Variants in MTHFD2L observed in about 807,000 individuals in gnomAD.
MTHFD2L encodes the protein bifunctional methylenetetrahydrofolate dehydrogenase/cyclohydrolase 2, mitochondrial.
MTHFD2L carries 29 observed loss-of-function variants against 34.9 expected under a neutral mutation model. The ratio of observed to expected loss-of-function variants is 0.83; its 90% confidence interval spans 0.62 to 1.13. The LOEUF (loss-of-function observed/expected upper bound fraction) is 1.13. MTHFD2L is among the 50% of genes most tolerant of loss of function. MTHFD2L has a pLI of 0.00. For missense variants in MTHFD2L, 481 were observed against 446.5 expected (o/e 1.08, Z -0.70); for synonymous variants, 167 against 155.7 (o/e 1.07, Z -0.54).
At chr4:74,178,653 A>T (rs1311026546) in intron 3 of MTHFD2L, among the ~76,000 whole-genome samples, 2 of 152,172 alleles carry the variant, frequency 1.3e-5, no homozygotes, top group Middle Eastern at 3.4e-3. Context: ...GAGAAAGGGC[A>T]GTTTTCTATG....
chr4:74,207,855 G>A (rs1009237492), intron 5 of MTHFD2L, among the ~76,000 whole-genome samples: 1 of 150,704 alleles, frequency 6.6e-6, no homozygotes, highest in East Asian at 1.9e-4. Context: ...GCAGTGCAAC[G>A]TGATGTGAGT....
upstream of MTHFD2L, among the ~76,000 whole-genome samples, chr4:74,155,956 ATGTT>A (rs1311645703): frequency 7.9e-5 from 12 of 151,898 alleles, no homozygotes; most frequent in African/African-American, 2.7e-4. Flanking sequence ...AATGTGTAAA[ATGTT>A]TGTATGTATT....
At chr4:74,117,034 C>T (rs562343370) in intron 2 of MTHFD2L, among the ~76,000 whole-genome samples, 2 of 152,338 alleles carry the variant, frequency 1.3e-5, no homozygotes, top group East Asian at 3.9e-4. Context: ...GATTTATCCT[C>T]AGGGTAACAA....
intron 1 of MTHFD2L, among the ~76,000 whole-genome samples, chr4:74,147,918 T>G (rs1038260634): frequency 6.6e-6 from 1 of 152,222 alleles, no homozygotes; most frequent in African/African-American, 2.4e-5. Context: ...TAACCTTTTA[T>G]CAAATATATA....
At position 74,214,311 on chromosome 4, in the gene MTHFD2L, G is replaced by C. The variant is rs191557138; in HGVS notation, c.713-10991G>C. ...GGCGTTCTGGTTTTTGGAATTTTCAGCCTTTTTGTGCTGGTTTTTCCTCAT... is the reference window on the plus strand; with the variant it reads ...GGCGTTCTGGTTTTTGGAATTTTCACCCTTTTTGTGCTGGTTTTTCCTCAT... On this transcript the variant is annotated intron_variant, in intron 5 of 7. Coordinates refer to ENST00000325278, the MANE Select transcript of MTHFD2L (RefSeq NM_001144978.3). Among the ~76,000 whole-genome samples, 188 of 151,882 alleles carry C rather than the reference G, an allele frequency of 1.2e-3. 1 individual carries two copies. The East Asian group carries it at 0.016, about 13-fold the overall frequency.
chr4:74,234,158 G>T (rs1273967521), intron 6 of MTHFD2L, among the ~76,000 whole-genome samples: 1 of 151,840 alleles, frequency 6.6e-6, no homozygotes, highest in Admixed American at 6.6e-5. Flanking sequence ...AAGAAGTGAG[G>T]TTCTTCCTTT....
rs1208392901 is a variant in MTHFD2L, at chr4:74,199,805, G to C, written c.463G>C (p.Glu155Gln). ...VQLPLPDHVDERTICNGIAPE... is the reference protein window; with the variant it reads ...VQLPLPDHVDQRTICNGIAPE... ...TATTTATTTTTCAGACCACGTTGAT[G>C]AGCGAACAATATGCAATGGAATTGC... Residue 155 changes from glutamate (E) to glutamine (Q), a missense_variant, in exon 4 of 8, where the codon GAG becomes CAG. Glu to Gln is a conservative substitution (Grantham distance 29, BLOSUM62 2). Coordinates refer to ENST00000325278, the MANE Select transcript of MTHFD2L (RefSeq NM_001144978.3). The C allele has an allele frequency of 2.5e-6, 4 of 1,609,576 alleles. No individual in the cohort carries two copies. The highest frequency in any genetic ancestry group is 3.4e-6 in the Non-Finnish European group (4 of 1,178,042).
chr4:74,168,323 C>T (rs1727193855), intron 1 of MTHFD2L, among the ~76,000 whole-genome samples: 1 of 152,178 alleles, frequency 6.6e-6, no homozygotes, highest in African/African-American at 2.4e-5. Flanking sequence ...CAGGTATGCT[C>T]CTTGCTAAAG....
intron 6 of MTHFD2L, among the ~76,000 whole-genome samples, chr4:74,271,394 G>A (rs1745962851): frequency 6.6e-6 from 1 of 152,170 alleles, no homozygotes; most frequent in Admixed American, 6.5e-5. Flanking sequence ...CATATGGCTA[G>A]CCAGTTTTCC....
chr4:74,201,481 T>A, intron 5 of MTHFD2L, 111 bp downstream of exon 5: 2 of 645,436 alleles, frequency 3.1e-6, no homozygotes, highest in South Asian at 6.4e-5. Flanking sequence ...TTTATGCAGT[T>A]CAAAGTCTCC....
rs186062373 is a variant in MTHFD2L, at chr4:74,266,649, G to A, written c.806-14776G>A. On this transcript the variant is annotated intron_variant, in intron 6 of 7. Transcript: ENST00000325278. ...ACTTCTCCAACTCTCCTGACTTTTC[G>A]AACTCAACCCTTCCATTTTCTTGTT... Among the ~76,000 whole-genome samples, 360 of 152,090 alleles carry A rather than the reference G, an allele frequency of 2.4e-3. 1 individual carries two copies. Among genetic ancestry groups the A allele is most frequent in the African/African-American group, 8.2e-3 (342 of 41,468 alleles).
chr4:74,215,886 G>A (rs562462716), intron 5 of MTHFD2L, among the ~76,000 whole-genome samples: 3 of 151,222 alleles, frequency 2.0e-5, no homozygotes, highest in South Asian at 2.1e-4. Context: ...CTGAATGTAC[G>A]TTTGGTGAAT....
At chr4:74,296,752 G>A (rs1160111012) in intron 7 of MTHFD2L, among the ~76,000 whole-genome samples, 1 of 151,936 alleles carries the variant, frequency 6.6e-6, no homozygotes, top group Non-Finnish European at 1.5e-5. Flanking sequence ...ATAGGAGGAG[G>A]CATATGCAGT....
chr4:74,183,846 ATAAT>A, intron 3 of MTHFD2L: 3 of 152,208 alleles, frequency 2.0e-5, no homozygotes, highest in Middle Eastern at 6.8e-3. Flanking sequence ...ATTTTAGAAG[ATAAT>A]TAATGTTTAA....
chr4:74,212,243 A>T (rs942240705), intron 5 of MTHFD2L, among the ~76,000 whole-genome samples: 3 of 151,500 alleles, frequency 2.0e-5, no homozygotes, highest in African/African-American at 7.3e-5. Context: ...TAGCTTTTGA[A>T]TTTGTTTATT....
In MTHFD2L at chr4:74,302,089, A is replaced by G. The variant is rs978320491; in HGVS notation, c.*280A>G. 1.3e-5 allele frequency: 3 copies of G among 232,140 alleles called. No homozygotes were observed. The highest frequency in any genetic ancestry group is 2.5e-5 in the Non-Finnish European group (3 of 121,422). 14.4% of individuals were successfully genotyped at this position (232,140 alleles called of 1,614,324 possible). A position where few individuals can be genotyped will look rare whatever the true frequency, so the allele number is the denominator to read the frequency against. On this transcript the variant is annotated 3_prime_UTR_variant, in exon 8 of 8. Coordinates refer to ENST00000325278, the MANE Select transcript of MTHFD2L (RefSeq NM_001144978.3). The stretch of plus-strand genomic sequence containing the variant: ...ATAACATTAAAACAATAAAGGGCTC[A>G]TAATAAATAAATATATTTTTGACAC...
intron 7 of MTHFD2L, among the ~76,000 whole-genome samples, chr4:74,301,448 C>T (rs1380225382): frequency 2.0e-5 from 3 of 151,832 alleles, no homozygotes; most frequent in Non-Finnish European, 4.4e-5. Context: ...CTGCATGGAG[C>T]TTGAACCTAG....
chr4:74,195,250 G>A (rs538611626), intron 3 of MTHFD2L: 134 of 152,288 alleles, frequency 8.8e-4, no homozygotes, highest in African/African-American at 3.2e-3. Context: ...GTAGAGCCTT[G>A]TTTGCAATTT....
intron 6 of MTHFD2L, among the ~76,000 whole-genome samples, chr4:74,273,840 G>A (rs1358661053): frequency 1.3e-5 from 2 of 152,096 alleles, no homozygotes; most frequent in African/African-American, 2.4e-5. Flanking sequence ...TTCTCCAGGT[G>A]CAAACCTCAC....
Sources: allele counts gnomAD v4.1 joint callset (sites outside exome capture counted in the v4.1 genomes callset), GRCh38; gene constraint gnomAD v4.1.1; transcripts MANE v1.5; gene names NCBI Gene and HGNC (gene_info 2026-07-23, HGNC 2026-07-21).